The following FRMD8 variants were observed in gnomAD, a reference collection of about 807,000 sequenced individuals.
The protein encoded by FRMD8 is FERM domain-containing protein 8.
A neutral mutation model predicts 54.2 loss-of-function variants in FRMD8; 37 were observed. The observed-to-expected ratio is 0.68, with a 90% CI of 0.53 to 0.90. The LOEUF (loss-of-function observed/expected upper bound fraction) is 0.90. Ranked by LOEUF, FRMD8 falls within the 40% of genes least tolerant of loss-of-function variation. The probability of loss-of-function intolerance (pLI) is 0.00; values close to 1 mark genes in which losing one functional copy is unlikely to be tolerated. For synonymous variants in FRMD8, 246 were observed against 286.9 expected, an observed-to-expected ratio of 0.86 and a Z score of 1.44; for missense variants, 585 against 653.7, an observed-to-expected ratio of 0.89 and a Z score of 1.15.
At chr11:65,380,164 A>G in the FRMD8 span, 1 of 1,614,174 alleles carries the variant, frequency 6.2e-7, no homozygotes, top group Non-Finnish European at 8.5e-7. Context: ...CCCAGGACCA[A>G]GCCCAGAGCG....
intron 6 of FRMD8, 55 bp from the exon 7 acceptor site, chr11:65,396,744 C>T (rs573082213): frequency 8.6e-5 from 106 of 1,232,644 alleles, no homozygotes; most frequent in African/African-American, 8.4e-4. Flanking sequence ...CGCCCTCCCC[C>T]GTGAGCCTGG....
chr11:65,380,052 A>G, the FRMD8 span: 5 of 1,583,542 alleles, frequency 3.2e-6, no homozygotes, highest in Non-Finnish European at 4.3e-6. Context: ...AGGCAAGATT[A>G]GCCAGGCCTG....
intron 3 of FRMD8, among the ~76,000 whole-genome samples, chr11:65,390,232 GCT>G (rs1434061230): frequency 5.3e-5 from 8 of 152,106 alleles, no homozygotes; most frequent in African/African-American, 1.4e-4. Context: ...AAGGGCGGTG[GCT>G]CTCTAGACAC....
the FRMD8 span, chr11:65,376,568 G>T: frequency 1.4e-5 from 23 of 1,614,002 alleles, no homozygotes; most frequent in South Asian, 8.8e-5. Flanking sequence ...TACACTCTGC[G>T]TCTCAGTCCA....
Position 65,413,195 on chromosome 11 carries a change from G to T in FRMD8, c.*1835G>T, listed in dbSNP as rs1856374927. The T allele has an allele frequency of 6.6e-6, 1 of 152,154 alleles. No homozygotes were observed. Among genetic ancestry groups the T allele is most frequent in the Admixed American group, 6.5e-5 (1 of 15,282 alleles). 9.4% of individuals were successfully genotyped at this position (152,154 alleles called of 1,614,324 possible). A position where few individuals can be genotyped will look rare whatever the true frequency, so the allele number is the denominator to read the frequency against. On this transcript the variant is annotated 3_prime_UTR_variant, in exon 11 of 11. Coordinates refer to ENST00000317568, the MANE Select transcript of FRMD8 (RefSeq NM_031904.5). ...GTAGAGATAGGGTTTCACCATGTTG[G>T]TCAGGCTGGTCGTGAACTCCTGACC...
the FRMD8 span, chr11:65,379,760 GTCT>G: frequency 1.4e-6 from 2 of 1,459,068 alleles, no homozygotes; most frequent in South Asian, 1.2e-5. Context: ...CCCAGACTTG[GTCT>G]TCTCTCCTCC....
In FRMD8 at chr11:65,400,876, G is replaced by A. The variant is rs574597266; in HGVS notation, c.1071+9G>A. 6.3e-7 allele frequency: 1 copy of A among 1,593,538 alleles called. No individual in the cohort carries two copies. Among genetic ancestry groups the A allele is most frequent in the South Asian group, 1.1e-5 (1 of 87,760 alleles). On this transcript the variant is annotated intron_variant, in intron 9 of 10. Transcript: ENST00000317568. This position sits in a 1 kb window ranked among gnomAD's most constrained non-coding sequence, Gnocchi z 4.3. ...AGATCTACTCCAAGCAGGTAGCGCGGGTGGTGCCTGCACACGGGTGGGGAG... is the reference window on the plus strand; with the variant it reads ...AGATCTACTCCAAGCAGGTAGCGCGAGTGGTGCCTGCACACGGGTGGGGAG...
At chr11:65,379,380 A>G in the FRMD8 span, 4 of 1,608,742 alleles carry the variant, frequency 2.5e-6, no homozygotes, top group Non-Finnish European at 3.4e-6. Context: ...CCTCACCTGC[A>G]GGAACCCCCC....
chr11:65,399,882 G>A (rs1054100951), intron 8 of FRMD8, 23 bp downstream of exon 8: 1 of 1,602,742 alleles, frequency 6.2e-7, no homozygotes, highest in Non-Finnish European at 8.5e-7. Context: ...GCTCCTCCAG[G>A]GTGGAGAGGA....
the FRMD8 span, chr11:65,380,712 C>G: frequency 1.3e-6 from 1 of 762,824 alleles, no homozygotes; most frequent in Non-Finnish European, 1.9e-6. Context: ...CCCTGCCCTC[C>G]ACAGCAGAGG....
chr11:65,376,223 A>G, the FRMD8 span: 1 of 664,762 alleles, frequency 1.5e-6, no homozygotes, highest in Non-Finnish European at 2.5e-6. Context: ...GAGGCTGCAC[A>G]GGCCCCCTGG....
chr11:65,369,078 C>T, the FRMD8 span, among the ~76,000 whole-genome samples: 3 of 152,156 alleles, frequency 2.0e-5, no homozygotes, highest in Non-Finnish European at 4.4e-5. Flanking sequence ...TAGTAAGACC[C>T]TATCTCTAAC....
At chr11:65,380,318 C>T in the FRMD8 span, 1 of 1,226,506 alleles carries the variant, frequency 8.2e-7, no homozygotes, top group South Asian at 1.4e-5. Context: ...TCCTGCCAAG[C>T]TCTAGAGACT....
intron 2 of FRMD8, among the ~76,000 whole-genome samples, chr11:65,389,145 G>A (rs1855789110): frequency 6.6e-6 from 1 of 152,232 alleles, no homozygotes; most frequent in African/African-American, 2.4e-5. Context: ...AGGGTGTCAA[G>A]GAAGCACTAA....
At chr11:65,405,864 C>T (rs1367088450) in intron 10 of FRMD8, among the ~76,000 whole-genome samples, 5 of 151,962 alleles carry the variant, frequency 3.3e-5, no homozygotes, top group East Asian at 3.9e-4. Context: ...TAGCTGAGCA[C>T]GGTGGTATAT....
In FRMD8 at chr11:65,399,708, C is replaced by T. The variant is rs201789827; in HGVS notation, c.804-28C>T. 8.1e-6 allele frequency: 13 copies of T among 1,611,440 alleles called. No homozygotes were observed. In the East Asian group the frequency reaches 1.3e-4, roughly 17 times the overall value. ...CTCCCTCAGCATTTCTGGTGCTGGC[C>T]GGAGGCTGACCCCAGTCCCCTCCCC... On this transcript the variant is annotated intron_variant, in intron 7 of 10. Coordinates refer to ENST00000317568, the MANE Select transcript of FRMD8 (RefSeq NM_031904.5).
At chr11:65,399,226 C>T (rs1399708626) in intron 7 of FRMD8, among the ~76,000 whole-genome samples, 3 of 152,048 alleles carry the variant, frequency 2.0e-5, no homozygotes, top group African/African-American at 7.2e-5. Flanking sequence ...GTCTCAATCT[C>T]CTGACCTCAT....
In FRMD8 at chr11:65,400,891, C is replaced by T. The variant is rs777185998; in HGVS notation, c.1071+24C>T. 2.5e-5 allele frequency: 39 copies of T among 1,573,536 alleles called. No homozygotes were observed. Among genetic ancestry groups the T allele is most frequent in the Middle Eastern group, 1.7e-4 (1 of 5,918 alleles). On this transcript the variant is annotated intron_variant, in intron 9 of 10. Transcript: ENST00000317568. This position sits in a 1 kb window ranked among gnomAD's most constrained non-coding sequence, Gnocchi z 4.3. ...AGGTAGCGCGGGTGGTGCCTGCACA[C>T]GGGTGGGGAGGCTGGGCCCAGGTGC...
At position 65,405,130 on chromosome 11, in the gene FRMD8, G is replaced by T. The variant is rs1856168428; in HGVS notation, c.1276+62G>T. On this transcript the variant is annotated intron_variant, in intron 10 of 10. Coordinates refer to ENST00000317568, the MANE Select transcript of FRMD8 (RefSeq NM_031904.5). ...CGCATGCGCGTGCACACACCGGGGG[G>T]AGTTCCTGAGGACAGGGCATTGCAG... 4 of 1,506,016 alleles carry T rather than the reference G, an allele frequency of 2.7e-6. 1 individual carries two copies. In the South Asian group the frequency reaches 4.6e-5, roughly 17 times the overall value. The allele number at this position is 1,506,016 out of a possible 1,614,324, so 93.3% of individuals were successfully genotyped here. A position where few individuals can be genotyped will look rare whatever the true frequency, so the allele number is the denominator to read the frequency against.
Sources: allele counts gnomAD v4.1 joint callset (sites outside exome capture counted in the v4.1 genomes callset), GRCh38; gene constraint gnomAD v4.1.1; non-coding constraint Gnocchi (gnomAD v3.1); transcripts MANE v1.5; gene names NCBI Gene and HGNC (gene_info 2026-07-23, HGNC 2026-07-21).